CPED1: variants seen among roughly 807,000 people sequenced by gnomAD.
CPED1 encodes cadherin like and PC-esterase domain containing 1.
A neutral mutation model predicts 128.2 loss-of-function variants in CPED1; 114 were observed. The observed-to-expected ratio is 0.89, with a 90% CI of 0.76 to 1.04. The LOEUF is 1.04. CPED1 is among the 50% of genes least tolerant of loss of function. The pLI, the probability that CPED1 is intolerant of heterozygous loss-of-function variation, is 0.00. For synonymous variants in CPED1, 462 were observed against 426.7 expected (o/e 1.08, Z -1.02); for missense variants, 1,211 against 1,207.1 (o/e 1.00, Z -0.05).
chr7:121,196,693 A>T (rs1797281538), intron 16 of CPED1, among the ~76,000 whole-genome samples: 1 of 152,168 alleles, frequency 6.6e-6, no homozygotes, highest in South Asian at 2.1e-4. Flanking sequence ...CAGCTCTCTT[A>T]TAAATGCACA....
At chr7:121,171,016 C>G (rs1347571415) in intron 16 of CPED1, among the ~76,000 whole-genome samples, 1 of 151,592 alleles carries the variant, frequency 6.6e-6, no homozygotes, top group Admixed American at 6.6e-5. Context: ...AGCCACTGCA[C>G]TCCAGCCTAA....
intron 17 of CPED1, among the ~76,000 whole-genome samples, chr7:121,242,565 G>A (rs925435277): frequency 6.6e-6 from 1 of 152,010 alleles, no homozygotes; most frequent in Admixed American, 6.6e-5. Flanking sequence ...AGACATAAAG[G>A]TTAATTTATC....
Position 121,261,765 on chromosome 7 carries a change from G to A in CPED1, c.2311-4462G>A, listed in dbSNP as rs1213287929. The A allele has an allele frequency of 2.6e-6, 4 of 1,546,502 alleles. No homozygotes were observed. In the African/African-American group the frequency reaches 5.5e-5, roughly 21 times the overall value. On this transcript the variant is annotated intron_variant, in intron 18 of 22. Coordinates refer to ENST00000310396, the MANE Select transcript of CPED1 (RefSeq NM_024913.5). The stretch of plus-strand genomic sequence containing the variant: ...CTTGAATCACCTGGACTATTTTTCT[G>A]AGAGAGTAATAAACTTTAATTGGGT...
At chr7:121,129,618 A>G (rs959964669) in intron 11 of CPED1, among the ~76,000 whole-genome samples, 1 of 151,874 alleles carries the variant, frequency 6.6e-6, no homozygotes, top group African/African-American at 2.4e-5. Context: ...TACTGTTACT[A>G]TGGAGAACAT....
At chr7:121,218,798 A>G (rs1797817267) in intron 16 of CPED1, among the ~76,000 whole-genome samples, 1 of 152,044 alleles carries the variant, frequency 6.6e-6, no homozygotes, top group Non-Finnish European at 1.5e-5. Context: ...TGGCACATGT[A>G]TACCTACATA....
chr7:120,989,513 T>A lies in CPED1; in HGVS notation c.-109T>A. The stretch of plus-strand genomic sequence containing the variant: ...TTAAGCAGGGATGAAGCAAACTTGA[T>A]TGGAGTTGGGGAAAAAGAAGACAGA... On this transcript the variant is annotated 5_prime_UTR_variant, in exon 2 of 23. It adds an upstream start codon to the 5' untranslated region. Coordinates refer to ENST00000310396, the MANE Select transcript of CPED1 (RefSeq NM_024913.5). The A allele has an allele frequency of 1.4e-6, 2 of 1,414,332 alleles. No homozygotes were observed. Among genetic ancestry groups the A allele is most frequent in the South Asian group, 2.7e-5 (2 of 73,916 alleles). The allele number at this position is 1,414,332 out of a possible 1,614,324, so 87.6% of individuals were successfully genotyped here.
intron 3 of CPED1, among the ~76,000 whole-genome samples, chr7:121,034,279 G>A (rs753518185): frequency 8.8e-5 from 10 of 113,484 alleles, no homozygotes; most frequent in East Asian, 8.1e-4. Flanking sequence ...ATGGAGTCTC[G>A]CCCTGTCACC....
intron 16 of CPED1, among the ~76,000 whole-genome samples, chr7:121,213,949 G>C (rs1017877608): frequency 1.3e-5 from 2 of 151,920 alleles, no homozygotes; most frequent in African/African-American, 4.8e-5. Flanking sequence ...CCAGGATCCA[G>C]TTTAGGACCC....
intron 10 of CPED1, among the ~76,000 whole-genome samples, 159 bp downstream of exon 10, chr7:121,127,416 A>T (rs1382050407): frequency 6.6e-6 from 1 of 152,132 alleles, no homozygotes; most frequent in Non-Finnish European, 1.5e-5. Flanking sequence ...CTGGACTAAG[A>T]TTATTTTTAT....
At chr7:121,156,490 A>G (rs906545985) in intron 16 of CPED1, among the ~76,000 whole-genome samples, 4 of 152,228 alleles carry the variant, frequency 2.6e-5, no homozygotes, top group Non-Finnish European at 5.9e-5. Context: ...TACACAATGG[A>G]ATATTATTCA....
chr7:121,169,720 C>G (rs1584565483), intron 16 of CPED1, among the ~76,000 whole-genome samples: 1 of 152,138 alleles, frequency 6.6e-6, no homozygotes, highest in African/African-American at 2.4e-5. Context: ...CTAGTGAGTT[C>G]AGAGAGAAAA....
intron 16 of CPED1, among the ~76,000 whole-genome samples, chr7:121,181,497 GTGATC>G (rs67235073): frequency 0.096 from 14,591 of 151,980 alleles, 834 homozygotes; most frequent in South Asian, 0.17. Flanking sequence ...AAATATTGCT[GTGATC>G]TGTACATAAA....
At chr7:121,056,813 A>T (rs1452659084) in intron 4 of CPED1, among the ~76,000 whole-genome samples, 1 of 152,160 alleles carries the variant, frequency 6.6e-6, no homozygotes, top group Non-Finnish European at 1.5e-5. Context: ...GTACATATTT[A>T]TGAGGTACAT....
intron 16 of CPED1, among the ~76,000 whole-genome samples, chr7:121,186,260 A>T (rs985216245): frequency 6.6e-6 from 1 of 152,180 alleles, no homozygotes; most frequent in Non-Finnish European, 1.5e-5. Context: ...TTCAAATTTT[A>T]CTTCAATACT....
At chr7:120,996,521 A>G (rs1022833242) in intron 2 of CPED1, among the ~76,000 whole-genome samples, 1 of 152,086 alleles carries the variant, frequency 6.6e-6, no homozygotes, top group African/African-American at 2.4e-5. Flanking sequence ...TCTGGCCCAG[A>G]TCTGGATTTC....
chr7:121,110,107 G>A (rs1446428964), intron 7 of CPED1, among the ~76,000 whole-genome samples: 3 of 152,152 alleles, frequency 2.0e-5, no homozygotes. Flanking sequence ...CAAACTCTAT[G>A]ACCTTAGACA....
At chr7:121,267,566 T>C (rs1251232401) in intron 21 of CPED1, among the ~76,000 whole-genome samples, 1 of 151,674 alleles carries the variant, frequency 6.6e-6, no homozygotes, top group African/African-American at 2.4e-5. Flanking sequence ...AGTGGTCTTT[T>C]TGAAGATGAT....
At chr7:121,037,735 C>A (rs748305881) in intron 3 of CPED1, among the ~76,000 whole-genome samples, 1 of 152,088 alleles carries the variant, frequency 6.6e-6, no homozygotes, top group Admixed American at 6.5e-5. Context: ...GCAGTTTGGT[C>A]ATTTTGACAG....
At chr7:121,117,077 T>TATATATATATATATATATA (rs1554436996) in intron 7 of CPED1, among the ~76,000 whole-genome samples, 1 of 128,804 alleles carries the variant, frequency 7.8e-6, no homozygotes, top group African/African-American at 3.0e-5. Context: ...TATATACACA[T>TATATATATATATATATATA]TATATATATA....
Sources: gnomAD v4.1 joint callset for allele counts (sites outside exome capture counted in the v4.1 genomes callset) on GRCh38, gnomAD v4.1.1 for gene constraint, MANE v1.5 for transcripts, NCBI Gene and HGNC (gene_info 2026-07-23, HGNC 2026-07-21) for gene names.